Variants in MTHFS observed in about 807,000 individuals in gnomAD.
MTHFS encodes methenyltetrahydrofolate synthetase.
In MTHFS, 7 loss-of-function variants were observed where a neutral mutation model predicts 12.7. The observed-to-expected ratio is 0.55, with a 90% CI of 0.31 to 1.03. The LOEUF is 1.03. Among genes scored for constraint, MTHFS ranks in the 50% least tolerant of loss-of-function variants. MTHFS has a pLI of 0.05. For synonymous variants in MTHFS, 100 were observed against 97.1 expected (o/e 1.03, Z -0.18); for missense variants, 252 against 258.1 (o/e 0.98, Z 0.16).
intron 2 of MTHFS, among the ~76,000 whole-genome samples, chr15:79,885,724 G>T (rs2034370756): frequency 6.6e-6 from 1 of 152,224 alleles, no homozygotes; most frequent in South Asian, 2.1e-4. Flanking sequence ...TTATCGGACT[G>T]TTAGAAAACA....
chr15:79,882,232 C>T (rs2034308237), intron 2 of MTHFS, among the ~76,000 whole-genome samples: 1 of 152,192 alleles, frequency 6.6e-6, no homozygotes, highest in African/African-American at 2.4e-5. Context: ...GATCTTATAA[C>T]TACTTATTTC....
intron 1 of MTHFS, among the ~76,000 whole-genome samples, chr15:79,891,164 A>G (rs1232404398): frequency 6.6e-6 from 1 of 152,222 alleles, no homozygotes; most frequent in African/African-American, 2.4e-5. Context: ...GCAGCAGATC[A>G]CAACACTCAG....
At chr15:79,867,745 T>C (rs2034037460) in intron 2 of MTHFS, among the ~76,000 whole-genome samples, 1 of 152,170 alleles carries the variant, frequency 6.6e-6, no homozygotes, top group African/African-American at 2.4e-5. Flanking sequence ...TTAGAGAAAG[T>C]TTCTATCAGG....
intron 2 of MTHFS, among the ~76,000 whole-genome samples, chr15:79,872,461 G>T (rs984943323): frequency 6.6e-5 from 10 of 152,234 alleles, no homozygotes; most frequent in Admixed American, 3.9e-4. Context: ...GCTTTGCCGG[G>T]AAAGAATTCA....
intron 2 of MTHFS, among the ~76,000 whole-genome samples, chr15:79,869,133 G>C (rs1007977852): frequency 6.6e-6 from 1 of 152,126 alleles, no homozygotes; most frequent in Admixed American, 6.6e-5. Context: ...AGGAACGAAA[G>C]CAGACTCTTG....
At chr15:79,888,226 G>A (rs931020599) in intron 2 of MTHFS, among the ~76,000 whole-genome samples, 1 of 152,202 alleles carries the variant, frequency 6.6e-6, no homozygotes, top group Non-Finnish European at 1.5e-5. Flanking sequence ...AAGGCAAAGT[G>A]GAGTTGGGAA....
At chr15:79,861,361 T>C (rs2033910358) in intron 2 of MTHFS, among the ~76,000 whole-genome samples, 1 of 152,192 alleles carries the variant, frequency 6.6e-6, no homozygotes. Flanking sequence ...CAGACACCAC[T>C]GCCCCTTATT....
At chr15:79,886,248 CCAAA>C (rs1390678160) in intron 2 of MTHFS, among the ~76,000 whole-genome samples, 4 of 152,116 alleles carry the variant, frequency 2.6e-5, no homozygotes, top group Non-Finnish European at 5.9e-5. Flanking sequence ...TCAGCTTGTC[CCAAA>C]CACTGTAAAG....
intron 2 of MTHFS, among the ~76,000 whole-genome samples, chr15:79,852,745 C>A (rs2033738505): frequency 6.6e-6 from 1 of 152,168 alleles, no homozygotes; most frequent in South Asian, 2.1e-4. Context: ...CCTAGTATCC[C>A]TGGATGACAC....
rs139915466 is a variant in MTHFS at position 79,848,648 on chromosome 15, A to C, written c.380-3206T>G. 3.5e-3 allele frequency among the ~76,000 whole-genome samples: 527 copies of C among 152,354 alleles called. 5 individuals are homozygous for C. Among genetic ancestry groups the C allele is most frequent in the African/African-American group, 0.012 (507 of 41,580 alleles). On this transcript the variant is annotated intron_variant, in intron 2 of 2. Transcript: ENST00000258874. The stretch of plus-strand genomic sequence containing the variant: ...TTAGGTAGTTGGAGGAAAAGAATGA[A>C]GAAATGAAACAGAGATAAGAAAACA...
At chr15:79,855,925 C>T (rs560722485) in intron 2 of MTHFS, among the ~76,000 whole-genome samples, 4 of 152,258 alleles carry the variant, frequency 2.6e-5, no homozygotes, top group African/African-American at 9.6e-5. Context: ...TATTGATGGG[C>T]ATTTAGGCTG....
intron 2 of MTHFS, 131 bp from the exon 3 acceptor site, chr15:79,845,573 C>T: frequency 7.9e-7 from 1 of 1,262,768 alleles, no homozygotes; most frequent in Non-Finnish European, 1.1e-6. Context: ...CATTAATATC[C>T]AAAAAGCACA....
intron 1 of MTHFS, among the ~76,000 whole-genome samples, chr15:79,892,865 C>A (rs1047067369): frequency 6.6e-6 from 1 of 152,020 alleles, no homozygotes. Flanking sequence ...CCAGGAGAAT[C>A]GCTTGAACCC....
At chr15:79,890,207 CTTTTTTTTTTTTTT>C (rs71150999) in intron 1 of MTHFS, among the ~76,000 whole-genome samples, 20,429 of 102,468 alleles carry the variant, frequency 0.2, 1,706 homozygotes, top group Middle Eastern at 0.28. Flanking sequence ...CTCTTTTTTC[CTTTTTTTTTTTTTT>C]TTTTTTTTTT....
intron 2 of MTHFS, among the ~76,000 whole-genome samples, chr15:79,861,642 GTTC>G (rs979602076): frequency 6.6e-6 from 1 of 152,166 alleles, no homozygotes; most frequent in African/African-American, 2.4e-5. Flanking sequence ...CTATCAGGAT[GTTC>G]TTTTTTATTT....
At chr15:79,883,754 A>G (rs999169696) in intron 2 of MTHFS, among the ~76,000 whole-genome samples, 3 of 152,142 alleles carry the variant, frequency 2.0e-5, no homozygotes, top group African/African-American at 4.8e-5. Context: ...ATTATCTCCA[A>G]TTTTCAGATG....
At chr15:79,869,090 T>C (rs1472908857) in intron 2 of MTHFS, among the ~76,000 whole-genome samples, 3 of 152,194 alleles carry the variant, frequency 2.0e-5, no homozygotes, top group Non-Finnish European at 4.4e-5. Context: ...TAAGTATGTA[T>C]TTATGCCACC....
At chr15:79,862,186 T>C (rs1304658329) in intron 2 of MTHFS, among the ~76,000 whole-genome samples, 2 of 152,274 alleles carry the variant, frequency 1.3e-5, no homozygotes, top group Admixed American at 1.3e-4. Flanking sequence ...CTGTTTTTCA[T>C]TCAAAGACTA....
Position 79,896,897 on chromosome 15 carries a change from C to A in MTHFS, c.92G>T (p.Arg31Leu). 1 of 1,542,842 alleles carries A rather than the reference C, an allele frequency of 6.5e-7. No individual in the cohort carries two copies. Among genetic ancestry groups the A allele is most frequent in the Non-Finnish European group, 8.7e-7 (1 of 1,146,248 alleles). ...CTTCTGGCTCAGTACGCGGGACTGG[C>A]GTAGCCGCTCCTCGGCACTCATCGC... ...LRAMSAEERL[R>L]QSRVLSQKVI... Residue 31 changes from arginine (R) to leucine (L), a missense_variant, in exon 1 of 3, where the codon CGC (arginine) becomes CTC (leucine). By Grantham distance (102) the Arg-to-Leu change is moderately radical (BLOSUM62 -2). Transcript: ENST00000258874.
Sources: gnomAD v4.1 joint callset for allele counts (sites outside exome capture counted in the v4.1 genomes callset) on GRCh38, gnomAD v4.1.1 for gene constraint, MANE v1.5 for transcripts, NCBI Gene and HGNC (gene_info 2026-07-23, HGNC 2026-07-21) for gene names.